Variants in PCLO observed in about 807,000 individuals in gnomAD.
The protein encoded by PCLO is protein piccolo.
A neutral mutation model predicts 427.5 loss-of-function variants in PCLO; 82 were observed. The observed-to-expected ratio is 0.19, with a 90% CI of 0.16 to 0.23. The LOEUF (loss-of-function observed/expected upper bound fraction) is 0.23, where lower values mean the gene tolerates loss of function less well. PCLO is among the 10% of genes least tolerant of loss of function. The pLI, the probability that PCLO is intolerant of heterozygous loss-of-function variation, is 1.00. For synonymous variants in PCLO, 2,357 were observed against 2,155.4 expected (o/e 1.09, Z -2.59); for missense variants, 6,239 against 6,115.9 (o/e 1.02, Z -0.67).
chr7:82,968,192 G>A (rs1222371366), intron 3 of PCLO, among the ~76,000 whole-genome samples: 1 of 152,160 alleles, frequency 6.6e-6, no homozygotes, highest in Non-Finnish European at 1.5e-5. Flanking sequence ...GTAAAATGCT[G>A]CCAATAAAAT....
intron 3 of PCLO, among the ~76,000 whole-genome samples, chr7:83,013,271 G>A (rs1562918639): frequency 6.6e-6 from 1 of 152,066 alleles, no homozygotes; most frequent in Non-Finnish European, 1.5e-5. Context: ...TTTCAGTTTG[G>A]CAAAATATAT....
chr7:82,841,653 A>G (rs1792369910), intron 13 of PCLO, 144 bp from the exon 14 acceptor site: 5 of 610,542 alleles, frequency 8.2e-6, no homozygotes, highest in African/African-American at 1.9e-5. Flanking sequence ...GCTTCAGAAT[A>G]ATGGTGTCTA....
chr7:83,017,573 C>G (rs771418107), intron 3 of PCLO, among the ~76,000 whole-genome samples: 3 of 151,844 alleles, frequency 2.0e-5, no homozygotes, highest in African/African-American at 7.3e-5. Flanking sequence ...AAGAGATAAA[C>G]CTAGATTTAT....
chr7:82,901,361 T>C (rs1046169474), intron 9 of PCLO, among the ~76,000 whole-genome samples: 1 of 152,022 alleles, frequency 6.6e-6, no homozygotes, highest in Admixed American at 6.6e-5. Context: ...GAATAAAAAC[T>C]GGCTAGCCAT....
At chr7:82,888,901 C>A (rs867175743) in intron 9 of PCLO, among the ~76,000 whole-genome samples, 1 of 152,090 alleles carries the variant, frequency 6.6e-6, no homozygotes, top group Non-Finnish European at 1.5e-5. Context: ...TTAGATGCTG[C>A]GTAATTTTCT....
At chr7:82,927,254 T>C (rs1176858993) in intron 6 of PCLO, among the ~76,000 whole-genome samples, 3 of 152,174 alleles carry the variant, frequency 2.0e-5, no homozygotes, top group Non-Finnish European at 4.4e-5. Context: ...TTTTAATATT[T>C]ATATAACTAG....
At chr7:82,933,734 T>C (rs890017543) in intron 6 of PCLO, among the ~76,000 whole-genome samples, 6 of 152,016 alleles carry the variant, frequency 3.9e-5, no homozygotes, top group Non-Finnish European at 7.4e-5. Context: ...ATAAGAAGCA[T>C]AGATTTTGAG....
intron 6 of PCLO, among the ~76,000 whole-genome samples, chr7:82,943,867 G>T (rs910707055): frequency 6.6e-6 from 1 of 151,946 alleles, no homozygotes; most frequent in Non-Finnish European, 1.5e-5. Flanking sequence ...AGTAAAAATT[G>T]TAACACTGGG....
chr7:83,065,941 T>C (rs2116332992), intron 3 of PCLO, among the ~76,000 whole-genome samples: 1 of 152,220 alleles, frequency 6.6e-6, no homozygotes, highest in African/African-American at 2.4e-5. Context: ...CATCATGTTT[T>C]CAGTAGACTC....
Position 82,774,169 on chromosome 7 carries a change from C to A in PCLO, c.15008-12676G>T, listed in dbSNP as rs77847194. 9.2e-3 allele frequency among the ~76,000 whole-genome samples: 1,398 copies of A among 152,212 alleles called. 23 individuals carry two copies. The highest frequency in any genetic ancestry group is 0.032 in the African/African-American group (1,311 of 41,542). On this transcript the variant is annotated intron_variant, in intron 22 of 24. Coordinates refer to ENST00000333891, the MANE Select transcript of PCLO (RefSeq NM_033026.6). ...TTGTAGGAGCTCATTTCATTAAATT[C>A]TTTTTAACTACCCTCTTGAACATGT...
At position 82,953,272 on chromosome 7, in the gene PCLO, G is replaced by A; in HGVS notation, c.7681C>T (p.Leu2561Phe). ...DYKLPSPTSP[L>F]SPHSNKSSPR... ...GAAGACTTGTTGGAGTGTGGGGAAA[G>A]TGGGGAGGTAGGGGAAGGCAATTTA... Residue 2561 changes from leucine to phenylalanine, a missense_variant, in exon 5 of 25, where the codon CTT (leucine) becomes TTT (phenylalanine). Physicochemically the swap from Leu to Phe is conservative, Grantham distance 22 (BLOSUM62 0). Coordinates refer to ENST00000333891, the MANE Select transcript of PCLO (RefSeq NM_033026.6). 6.2e-7 allele frequency: 1 copy of A among 1,613,952 alleles called. No individual in the cohort carries two copies. Among genetic ancestry groups the A allele is most frequent in the Non-Finnish European group, 8.5e-7 (1 of 1,179,870 alleles).
intron 3 of PCLO, among the ~76,000 whole-genome samples, chr7:83,053,134 A>G (rs542494020): frequency 1.3e-5 from 2 of 151,878 alleles, no homozygotes; most frequent in Non-Finnish European, 2.9e-5. Context: ...CCCACTTGAA[A>G]TTTACTATAC....
chr7:82,760,172 C>T (rs934325019), intron 24 of PCLO, among the ~76,000 whole-genome samples: 1 of 151,902 alleles, frequency 6.6e-6, no homozygotes, highest in African/African-American at 2.4e-5. Flanking sequence ...TAAGTCAATA[C>T]AATTAAAACT....
At chr7:82,838,816 T>A (rs965317943) in intron 14 of PCLO, among the ~76,000 whole-genome samples, 3 of 151,962 alleles carry the variant, frequency 2.0e-5, no homozygotes, top group South Asian at 2.1e-4. Flanking sequence ...CACTGAAATG[T>A]AAGAATATTT....
chr7:83,136,502 C>T (rs2116623510), intron 2 of PCLO, among the ~76,000 whole-genome samples: 1 of 152,076 alleles, frequency 6.6e-6, no homozygotes, highest in African/African-American at 2.4e-5. Flanking sequence ...ATTAGCAAAG[C>T]ATTACTCCCC....
intron 22 of PCLO, among the ~76,000 whole-genome samples, chr7:82,765,673 T>C (rs1310173247): frequency 6.6e-6 from 1 of 152,048 alleles, no homozygotes; most frequent in Non-Finnish European, 1.5e-5. Flanking sequence ...TCTTGACAGA[T>C]GGGAAACTAC....
intron 12 of PCLO, 142 bp from the exon 13 acceptor site, chr7:82,845,627 T>C (rs2115808469): frequency 1.6e-6 from 1 of 626,152 alleles, no homozygotes. Flanking sequence ...AACTCTATTG[T>C]ACTTTTATGT....
chr7:83,148,822 T>C (rs1792059386), intron 2 of PCLO, among the ~76,000 whole-genome samples: 2 of 152,166 alleles, frequency 1.3e-5, no homozygotes, highest in African/African-American at 4.8e-5. Context: ...AATCCACTCA[T>C]AGGTAATCAA....
chr7:82,941,051 C>T (rs1035385270), intron 6 of PCLO, among the ~76,000 whole-genome samples: 3 of 151,270 alleles, frequency 2.0e-5, no homozygotes, highest in African/African-American at 4.9e-5. Flanking sequence ...TTTGAGCCAC[C>T]GTGCCCGAAT....
Sources: allele counts gnomAD v4.1 joint callset (sites outside exome capture counted in the v4.1 genomes callset), GRCh38; gene constraint gnomAD v4.1.1; transcripts MANE v1.5; gene names NCBI Gene and HGNC (gene_info 2026-07-23, HGNC 2026-07-21).